Variants in HTR4 observed in about 807,000 individuals in gnomAD.
The protein encoded by HTR4 is 5-hydroxytryptamine receptor 4.
Under a neutral mutation model 36.8 loss-of-function variants are expected in HTR4, and 16 were observed. The ratio of observed to expected loss-of-function variants is 0.43; its 90% CI spans 0.29 to 0.66. The LOEUF (loss-of-function observed/expected upper bound fraction) is 0.66. Among genes scored for constraint, HTR4 ranks in the 30% least tolerant of loss-of-function variants. The pLI, the probability that HTR4 is intolerant of heterozygous loss-of-function variation, is 0.13. For synonymous variants in HTR4, 189 were observed against 185.1 expected, an observed-to-expected ratio of 1.02 and a Z score of -0.17; for missense variants, 438 against 490.9, an observed-to-expected ratio of 0.89 and a Z score of 1.02.
intron 2 of HTR4, among the ~76,000 whole-genome samples, chr5:148,579,758 G>C (rs1761063208): frequency 1.3e-5 from 2 of 152,010 alleles, no homozygotes; most frequent in African/African-American, 4.8e-5. Flanking sequence ...AGCTCCAGCA[G>C]CAGCCCACAT....
intron 6 of HTR4, among the ~76,000 whole-genome samples, chr5:148,486,045 GC>G (rs1311612942): frequency 6.6e-6 from 1 of 152,108 alleles, no homozygotes; most frequent in Non-Finnish European, 1.5e-5. Flanking sequence ...GATGTCTAAT[GC>G]CAGGTTACAT....
At chr5:148,604,534 G>A (rs1752062576) in intron 2 of HTR4, among the ~76,000 whole-genome samples, 2 of 152,124 alleles carry the variant, frequency 1.3e-5, no homozygotes. Context: ...GTACACATAT[G>A]CAAGAAAAAT....
At chr5:148,588,538 T>C (rs1319341524) in intron 2 of HTR4, among the ~76,000 whole-genome samples, 2 of 106,916 alleles carry the variant, frequency 1.9e-5, no homozygotes, top group Admixed American at 1.9e-4. Context: ...TTTTTTTTTT[T>C]TTTTTTTTTT....
intron 2 of HTR4, among the ~76,000 whole-genome samples, chr5:148,635,523 C>A (rs1021189892): frequency 1.3e-5 from 2 of 152,084 alleles, no homozygotes; most frequent in Non-Finnish European, 2.9e-5. Context: ...TCCATTTAAT[C>A]AAATTGTATT....
chr5:148,585,061 G>A (rs1390303484), intron 2 of HTR4, among the ~76,000 whole-genome samples: 1 of 152,202 alleles, frequency 6.6e-6, no homozygotes, highest in African/African-American at 2.4e-5. Context: ...TTGGGTGTGA[G>A]TCCTGGCTAG....
intron 5 of HTR4, among the ~76,000 whole-genome samples, chr5:148,519,267 A>G (rs1757899310): frequency 6.6e-6 from 1 of 152,206 alleles, no homozygotes; most frequent in African/African-American, 2.4e-5. Context: ...AGCAGGGTCT[A>G]GGTTTGGGAA....
intron 6 of HTR4, among the ~76,000 whole-genome samples, chr5:148,503,616 T>C (rs1054704282): frequency 5.3e-5 from 8 of 152,202 alleles, no homozygotes; most frequent in African/African-American, 1.7e-4. Flanking sequence ...AACATCATAA[T>C]GACAGGATCA....
intron 2 of HTR4, among the ~76,000 whole-genome samples, chr5:148,610,982 G>C (rs976952026): frequency 6.6e-6 from 1 of 150,544 alleles, no homozygotes; most frequent in Non-Finnish European, 1.5e-5. Flanking sequence ...AGAGAAAAAA[G>C]AATAAAAAGA....
chr5:148,452,936 C>A (rs1755008753), intron 5 of HTR4, among the ~76,000 whole-genome samples: 1 of 152,224 alleles, frequency 6.6e-6, no homozygotes, highest in Admixed American at 6.5e-5. Flanking sequence ...GCTCAGCCTC[C>A]AAACCATGCC....
chr5:148,472,870 T>A (rs527800381), downstream of HTR4, among the ~76,000 whole-genome samples: 2 of 152,122 alleles, frequency 1.3e-5, no homozygotes, highest in Non-Finnish European at 2.9e-5. Flanking sequence ...CTACATAAAG[T>A]TTTTGAGTAG....
intron 5 of HTR4, among the ~76,000 whole-genome samples, chr5:148,518,789 GC>G (rs1435845178): frequency 6.6e-6 from 1 of 152,054 alleles, no homozygotes; most frequent in Non-Finnish European, 1.5e-5. Flanking sequence ...TATGATTATT[GC>G]AATTTTGTTC....
At position 148,566,047 on chromosome 5, in the gene HTR4, A is replaced by T. The variant is rs79300496; in HGVS notation, c.27-15785T>A. Reference sequence around the variant, plus strand: ...TAAATCCTTATAGCTGTTCATAAAGATTTCTGTACATTATTACTCACAACC... The same window carrying T: ...TAAATCCTTATAGCTGTTCATAAAGTTTTCTGTACATTATTACTCACAACC... On this transcript the variant is annotated intron_variant, in intron 2 of 6. Coordinates refer to ENST00000377888, the MANE Select transcript of HTR4 (RefSeq NM_000870.7). 9.0e-3 allele frequency among the ~76,000 whole-genome samples: 1,375 copies of T among 152,274 alleles called. 25 individuals carry two copies. Among genetic ancestry groups the T allele is most frequent in the African/African-American group, 0.031 (1,303 of 41,562 alleles).
chr5:148,568,316 A>T (rs541002093), intron 2 of HTR4, among the ~76,000 whole-genome samples: 6 of 152,238 alleles, frequency 3.9e-5, no homozygotes, highest in Admixed American at 1.3e-4. Flanking sequence ...TACACTGATT[A>T]TTTCTAGTTT....
At chr5:148,540,372 A>G (rs549280142) in intron 4 of HTR4, among the ~76,000 whole-genome samples, 1 of 139,490 alleles carries the variant, frequency 7.2e-6, no homozygotes, top group South Asian at 2.3e-4. Context: ...AACCTAAAAT[A>G]AAATTTTAGG....
intron 5 of HTR4, chr5:148,521,065 C>G: frequency 7.6e-7 from 1 of 1,319,074 alleles, no homozygotes; most frequent in Non-Finnish European, 1.0e-6. Flanking sequence ...TCTCTCCTCT[C>G]CACTCCACTT....
intron 6 of HTR4, among the ~76,000 whole-genome samples, chr5:148,503,518 G>C (rs1489367062): frequency 6.6e-6 from 1 of 152,178 alleles, no homozygotes; most frequent in East Asian, 1.9e-4. Context: ...GGAACAATCA[G>C]TACCAGCCAC....
At chr5:148,480,688 A>AT (rs1290999947), downstream of HTR4, among the ~76,000 whole-genome samples, 1 of 152,104 alleles carries the variant, frequency 6.6e-6, no homozygotes. Context: ...CTAGAATATT[A>AT]TTTTTTTAAC....
At position 148,464,475 on chromosome 5, in the gene HTR4, A is replaced by T. The variant is rs1014191545; in HGVS notation, c.1077-13203T>A. On this transcript the variant is annotated intron_variant, in intron 5 of 5. Transcript: ENST00000521530. ...CATCAAAGAAGATATTTAGATGGCA[A>T]ATAAGCAAATGAAAAGATGCTGCAC... Among the ~76,000 whole-genome samples the T allele has an allele frequency of 4.6e-5, 7 of 152,310 alleles. No individual in the cohort carries two copies. The East Asian group carries it at 1.4e-3, about 29-fold the overall frequency.
intron 2 of HTR4, among the ~76,000 whole-genome samples, chr5:148,596,304 A>G (rs1410801312): frequency 6.6e-6 from 1 of 152,256 alleles, no homozygotes; most frequent in Non-Finnish European, 1.5e-5. Flanking sequence ...CTACCTCACT[A>G]ATAAATAATC....
Sources: allele counts gnomAD v4.1 joint callset (sites outside exome capture counted in the v4.1 genomes callset), GRCh38; gene constraint gnomAD v4.1.1; transcripts MANE v1.5; gene names NCBI Gene and HGNC (gene_info 2026-07-23, HGNC 2026-07-21).